FOXP1: variants seen among roughly 807,000 people sequenced by gnomAD.
FOXP1 encodes forkhead box protein P1.
Under a neutral mutation model 98.2 loss-of-function variants are expected in FOXP1, and 15 were observed. The observed-to-expected ratio is 0.15, with a 90% CI of 0.10 to 0.24. The LOEUF (loss-of-function observed/expected upper bound fraction) is 0.24. Among genes scored for constraint, FOXP1 ranks in the 10% least tolerant of loss-of-function variants. FOXP1 has a pLI of 1.00. For missense variants in FOXP1, 633 were observed against 848.5 expected, an observed-to-expected ratio of 0.75 and a Z score of 3.15; for synonymous variants, 371 against 314.5, an observed-to-expected ratio of 1.18 and a Z score of -1.90.
intron 11 of FOXP1, among the ~76,000 whole-genome samples, chr3:71,018,488 C>T (rs530135008): frequency 9.2e-4 from 140 of 152,168 alleles, no homozygotes; most frequent in Non-Finnish European, 1.7e-3. Context: ...GAAGTGCACC[C>T]CCACACCCCA....
chr3:71,460,528 C>T (rs2108536047), intron 3 of FOXP1, among the ~76,000 whole-genome samples: 1 of 152,176 alleles, frequency 6.6e-6, no homozygotes, highest in Non-Finnish European at 1.5e-5. Context: ...TCTCCGCCTC[C>T]CGAGTTCAAG....
chr3:71,341,630 C>T lies in FOXP1; in HGVS notation c.-73+17520G>A, dbSNP rs373968347. On this transcript the variant is annotated intron_variant, in intron 4 of 20. Coordinates refer to ENST00000649528, the MANE Select transcript of FOXP1 (RefSeq NM_001349338.3). ...AGGAGAATCACTTGAACCCAGTAGG[C>T]GGAGGTTGCTGTGAGCTAAGATTGT... Among the ~76,000 whole-genome samples the T allele has an allele frequency of 5.3e-5, 8 of 152,098 alleles. No individual in the cohort carries two copies. The East Asian group carries it at 9.6e-4, about 18-fold the overall frequency.
chr3:71,137,934 A>C (rs1195036794), intron 6 of FOXP1, among the ~76,000 whole-genome samples: 8 of 152,136 alleles, frequency 5.3e-5, no homozygotes, highest in African/African-American at 1.4e-4. Context: ...ATGAGCACCC[A>C]CCAGCCAGGC....
chr3:71,303,065 G>A (rs570983885), intron 4 of FOXP1, among the ~76,000 whole-genome samples: 1 of 152,290 alleles, frequency 6.6e-6, no homozygotes, highest in South Asian at 2.1e-4. Context: ...CTGAGTTGCA[G>A]GTAAATGTGG....
intron 3 of FOXP1, among the ~76,000 whole-genome samples, chr3:71,363,786 G>C (rs1242230437): frequency 6.6e-6 from 1 of 152,184 alleles, no homozygotes; most frequent in Non-Finnish European, 1.5e-5. Context: ...CTTGTAGTTA[G>C]GTGGGGCCTG....
intron 13 of FOXP1, among the ~76,000 whole-genome samples, chr3:70,999,666 A>G (rs957083115): frequency 3.3e-5 from 5 of 152,240 alleles, no homozygotes; most frequent in African/African-American, 9.6e-5. Flanking sequence ...AATTGGTCAT[A>G]TAAGATGATA....
chr3:71,560,176 A>G (rs2046428852), intron 2 of FOXP1, among the ~76,000 whole-genome samples: 1 of 152,120 alleles, frequency 6.6e-6, no homozygotes, highest in Non-Finnish European at 1.5e-5. Context: ...TGTTTCTTCA[A>G]GAAGAAAAAA....
chr3:71,404,114 C>CTTTTA (rs1560435921), intron 3 of FOXP1, among the ~76,000 whole-genome samples: 2 of 49,024 alleles, frequency 4.1e-5, no homozygotes, highest in African/African-American at 7.5e-5. Flanking sequence ...TTTTTCTTTT[C>CTTTTA]TTTTTCTTTT....
chr3:71,243,677 A>T (rs888973798), intron 5 of FOXP1, among the ~76,000 whole-genome samples: 2 of 152,242 alleles, frequency 1.3e-5, no homozygotes, highest in Non-Finnish European at 2.9e-5. Flanking sequence ...AAGAAAATAC[A>T]TCGTTGCCAA....
chr3:71,490,980 C>T (rs1313081141), intron 3 of FOXP1, among the ~76,000 whole-genome samples: 5 of 152,100 alleles, frequency 3.3e-5, no homozygotes, highest in African/African-American at 1.2e-4. Flanking sequence ...GCTTTGTTCT[C>T]AACTCTACCT....
intron 2 of FOXP1, among the ~76,000 whole-genome samples, chr3:71,569,244 G>A (rs913980046): frequency 3.3e-5 from 5 of 152,210 alleles, no homozygotes; most frequent in African/African-American, 1.2e-4. Context: ...ACCTCAAGGA[G>A]CTGAGAGTCT....
chr3:71,080,954 C>G (rs1053324471), intron 7 of FOXP1, among the ~76,000 whole-genome samples: 4 of 152,246 alleles, frequency 2.6e-5, no homozygotes, highest in Admixed American at 2.6e-4. Context: ...TCCCTTTTGT[C>G]TCTCACTGGG....
At chr3:71,380,547 A>C (rs2080067229) in intron 3 of FOXP1, among the ~76,000 whole-genome samples, 1 of 152,218 alleles carries the variant, frequency 6.6e-6, no homozygotes, top group African/African-American at 2.4e-5. Context: ...TGTTGTTTCT[A>C]AAATGCATTG....
At chr3:71,239,147 T>C (rs1211126290) in intron 5 of FOXP1, among the ~76,000 whole-genome samples, 1 of 152,192 alleles carries the variant, frequency 6.6e-6, no homozygotes, top group Non-Finnish European at 1.5e-5. Flanking sequence ...GCTTGGTCTG[T>C]ACTGAGAAAA....
intron 5 of FOXP1, among the ~76,000 whole-genome samples, chr3:71,289,281 C>T (rs758993066): frequency 2.6e-5 from 4 of 151,840 alleles, no homozygotes; most frequent in Admixed American, 6.6e-5. Flanking sequence ...CCTCATGATC[C>T]GCCTGCCTTG....
chr3:71,073,252 T>A (rs2053464122), intron 7 of FOXP1, among the ~76,000 whole-genome samples: 1 of 152,216 alleles, frequency 6.6e-6, no homozygotes, highest in African/African-American at 2.4e-5. Flanking sequence ...TTAACTGTTC[T>A]CTGACACCCT....
At chr3:71,074,225 CATT>C (rs917352653) in intron 7 of FOXP1, among the ~76,000 whole-genome samples, 6 of 152,044 alleles carry the variant, frequency 3.9e-5, no homozygotes, top group East Asian at 1.9e-4. Flanking sequence ...TAAGAGCTTA[CATT>C]ATTATTATTA....
intron 4 of FOXP1, among the ~76,000 whole-genome samples, chr3:71,347,794 A>C (rs939491774): frequency 1.3e-5 from 2 of 152,002 alleles, no homozygotes; most frequent in Admixed American, 6.6e-5. Context: ...CTGAGGCAAG[A>C]GAATCGCTTG....
chr3:71,473,130 C>G (rs188556678), intron 3 of FOXP1, among the ~76,000 whole-genome samples: 42 of 152,270 alleles, frequency 2.8e-4, no homozygotes, highest in Admixed American at 2.7e-3. Flanking sequence ...AATAACATCA[C>G]GTGCATAGCT....
Sources: allele counts gnomAD v4.1 joint callset (sites outside exome capture counted in the v4.1 genomes callset), GRCh38; gene constraint gnomAD v4.1.1; transcripts MANE v1.5; gene names NCBI Gene and HGNC (gene_info 2026-07-23, HGNC 2026-07-21).